EDIL3: variants seen among roughly 807,000 people sequenced by gnomAD.
EDIL3 encodes the protein EGF like and discoidin domains 3.
A neutral mutation model predicts 67.4 loss-of-function variants in EDIL3; 37 were observed. The observed-to-expected ratio is 0.55, with a 90% CI of 0.42 to 0.72. EDIL3 has a LOEUF of 0.72. EDIL3 is among the 30% of genes least tolerant of loss of function. The probability of loss-of-function intolerance (pLI) is 0.00; values close to 1 mark genes in which losing one functional copy is unlikely to be tolerated. For synonymous variants in EDIL3, 195 were observed against 196.3 expected, an observed-to-expected ratio of 0.99 and a Z score of 0.05; for missense variants, 527 against 586.3, an observed-to-expected ratio of 0.90 and a Z score of 1.04.
intron 6 of EDIL3, among the ~76,000 whole-genome samples, chr5:84,086,160 G>C (rs971826795): frequency 1.3e-5 from 2 of 152,162 alleles, no homozygotes; most frequent in Non-Finnish European, 2.9e-5. Context: ...CCTTTCCAGA[G>C]GAGTGGCCGG....
At chr5:83,954,392 T>C (rs1744475493) in intron 10 of EDIL3, among the ~76,000 whole-genome samples, 1 of 151,760 alleles carries the variant, frequency 6.6e-6, no homozygotes, top group Non-Finnish European at 1.5e-5. Context: ...AGATCCCTCT[T>C]GTATGGCTTG....
Position 84,058,679 on chromosome 5 carries a change from G to A in EDIL3, c.1137+1621C>T, listed in dbSNP as rs973837139. 3.9e-5 allele frequency among the ~76,000 whole-genome samples: 6 copies of A among 152,256 alleles called. No individual in the cohort carries two copies. The East Asian group carries it at 5.8e-4, about 15-fold the overall frequency. ...AAGGACATTGGGAAACATCTGCTAC[G>A]AGGATGGAGGAAAATAGAAAATGGT... On this transcript the variant is annotated intron_variant, in intron 9 of 10. Coordinates refer to ENST00000296591, the MANE Select transcript of EDIL3 (RefSeq NM_005711.5).
At chr5:84,380,618 G>T (rs1748055840) in intron 1 of EDIL3, among the ~76,000 whole-genome samples, 1 of 151,930 alleles carries the variant, frequency 6.6e-6, no homozygotes, top group African/African-American at 2.4e-5. Context: ...TACTTTTTTA[G>T]GCTTCAAGAA....
chr5:84,103,435 C>G (rs4703575), intron 6 of EDIL3, among the ~76,000 whole-genome samples: 35,193 of 151,976 alleles, frequency 0.23, 4,297 homozygotes, highest in Middle Eastern at 0.31. Flanking sequence ...AACAGACAAC[C>G]TACCGAATGG....
At chr5:84,120,291 T>G (rs527471100) in intron 5 of EDIL3, among the ~76,000 whole-genome samples, 1 of 151,986 alleles carries the variant, frequency 6.6e-6, no homozygotes, top group African/African-American at 2.4e-5. Context: ...GGTGGCAATA[T>G]CCACTTAAAA....
intron 3 of EDIL3, among the ~76,000 whole-genome samples, chr5:84,192,307 G>T (rs1342134729): frequency 6.6e-6 from 1 of 151,904 alleles, no homozygotes; most frequent in East Asian, 1.9e-4. Flanking sequence ...CCTACAGCCT[G>T]TTAATCCAAA....
At chr5:84,156,397 T>C (rs1748491964) in intron 4 of EDIL3, among the ~76,000 whole-genome samples, 2 of 152,212 alleles carry the variant, frequency 1.3e-5, no homozygotes, top group African/African-American at 4.8e-5. Context: ...AGATCAGGGA[T>C]GTAGGCTCAA....
rs183256286 is a variant in EDIL3, at chr5:84,266,204, A to T, written c.68-11992T>A. ...ATACATTCAAAAACCCATTGCCTCT[A>T]TTCTATCAATAGCCTCACTGCATTG... On this transcript the variant is annotated intron_variant, in intron 1 of 10. Transcript: ENST00000296591. Among the ~76,000 whole-genome samples, 13 of 152,276 alleles carry T rather than the reference A, an allele frequency of 8.5e-5. No homozygotes were observed. In the East Asian group the frequency reaches 1.7e-3, roughly 20 times the overall value.
intron 1 of EDIL3, among the ~76,000 whole-genome samples, chr5:84,287,582 C>T (rs1580056190): frequency 6.6e-6 from 1 of 152,154 alleles, no homozygotes. Flanking sequence ...GATTAAAATG[C>T]AAGAATTTCT....
intron 3 of EDIL3, among the ~76,000 whole-genome samples, chr5:84,217,151 A>G (rs955372188): frequency 2.6e-4 from 39 of 152,278 alleles, no homozygotes; most frequent in African/African-American, 7.5e-4. Flanking sequence ...AAAAAAAAAA[A>G]AAAAAATGAC....
At chr5:84,068,191 G>T (rs932886637) in intron 6 of EDIL3, among the ~76,000 whole-genome samples, 2 of 152,082 alleles carry the variant, frequency 1.3e-5, no homozygotes, top group Non-Finnish European at 2.9e-5. Context: ...TTAGCACATC[G>T]CTATGAAAGA....
intron 1 of EDIL3, among the ~76,000 whole-genome samples, chr5:84,281,685 A>G (rs1387785865): frequency 6.6e-6 from 1 of 152,120 alleles, no homozygotes; most frequent in Admixed American, 6.5e-5. Context: ...GATGCTCTCT[A>G]ATCTAATCCT....
chr5:84,272,076 C>T (rs1745482188), intron 1 of EDIL3, among the ~76,000 whole-genome samples: 1 of 152,138 alleles, frequency 6.6e-6, no homozygotes, highest in Non-Finnish European at 1.5e-5. Flanking sequence ...CAAGCATATG[C>T]AATAACAACG....
At chr5:84,075,318 G>A (rs148467085) in intron 6 of EDIL3, among the ~76,000 whole-genome samples, 1 of 151,648 alleles carries the variant, frequency 6.6e-6, no homozygotes, top group African/African-American at 2.4e-5. Flanking sequence ...CCTGCACATT[G>A]TGCACATGTA....
intron 1 of EDIL3, among the ~76,000 whole-genome samples, chr5:84,324,926 T>TAA (rs1398720907): frequency 8.1e-6 from 1 of 123,018 alleles, no homozygotes; most frequent in Non-Finnish European, 1.9e-5. Context: ...ATTCTCCTGA[T>TAA]TAAAAAAAAA....
At chr5:84,199,141 G>GTGCAAA (rs1316278335) in intron 3 of EDIL3, among the ~76,000 whole-genome samples, 14 of 151,980 alleles carry the variant, frequency 9.2e-5, no homozygotes, top group Admixed American at 9.2e-4. Flanking sequence ...TATCAGAAGG[G>GTGCAAA]CCTATGCTAG....
At chr5:84,191,965 AATTTAAGGC>A (rs1743597159) in intron 3 of EDIL3, among the ~76,000 whole-genome samples, 4 of 151,996 alleles carry the variant, frequency 2.6e-5, no homozygotes, top group African/African-American at 9.7e-5. Flanking sequence ...CACTGAACTA[AATTTAAGGC>A]ACTTAGGGTT....
At chr5:84,016,092 G>A (rs1255638188) in intron 9 of EDIL3, among the ~76,000 whole-genome samples, 1 of 152,018 alleles carries the variant, frequency 6.6e-6, no homozygotes, top group Non-Finnish European at 1.5e-5. Context: ...CCTTCTTTGT[G>A]TTCATGAGTT....
intron 9 of EDIL3, among the ~76,000 whole-genome samples, chr5:84,054,430 T>C (rs1213659359): frequency 6.6e-6 from 1 of 152,146 alleles, no homozygotes; most frequent in Admixed American, 6.5e-5. Context: ...ACCACTCCTA[T>C]TCAACATAGT....
Sources: allele counts gnomAD v4.1 joint callset (sites outside exome capture counted in the v4.1 genomes callset), GRCh38; gene constraint gnomAD v4.1.1; transcripts MANE v1.5; gene names NCBI Gene and HGNC (gene_info 2026-07-23, HGNC 2026-07-21).